AP3B2: variants seen among roughly 807,000 people sequenced by gnomAD.
The protein encoded by AP3B2 is adaptor related protein complex 3 subunit beta 2.
A neutral mutation model predicts 126.9 loss-of-function variants in AP3B2; 50 were observed. The observed-to-expected ratio is 0.39, with a 90% CI of 0.31 to 0.50. The LOEUF (loss-of-function observed/expected upper bound fraction) is 0.50. Ranked by LOEUF, AP3B2 falls within the 20% of genes least tolerant of loss-of-function variation. The probability of loss-of-function intolerance (pLI) is 0.79; values close to 1 mark genes in which losing one functional copy is unlikely to be tolerated. For missense variants in AP3B2, 1,177 were observed against 1,426.4 expected (o/e 0.83, Z 2.82); for synonymous variants, 541 against 565.0 (o/e 0.96, Z 0.60).
intron 1 of AP3B2, among the ~76,000 whole-genome samples, chr15:82,708,355 A>C (rs2048828860): frequency 6.6e-6 from 1 of 151,974 alleles, no homozygotes; most frequent in African/African-American, 2.4e-5. Flanking sequence ...AAAAAGCTTT[A>C]TTGTTCAAAG....
chr15:82,688,364 C>G, intron 4 of AP3B2: 1 of 697,216 alleles, frequency 1.4e-6, no homozygotes, highest in Non-Finnish European at 2.6e-6. Flanking sequence ...AGGTTGAAAT[C>G]TACCTGGCTG....
chr15:82,683,048 T>G (rs1006502245), intron 4 of AP3B2, among the ~76,000 whole-genome samples: 4 of 36,692 alleles, frequency 1.1e-4, no homozygotes, highest in Admixed American at 3.5e-4. Flanking sequence ...GCACCAGGAG[T>G]TTTTTTTTTT....
chr15:82,666,619 A>G, intron 15 of AP3B2, 128 bp downstream of exon 15: 2 of 1,016,140 alleles, frequency 2.0e-6, no homozygotes, highest in Non-Finnish European at 2.8e-6. Context: ...AAAAGGAGTG[A>G]GCCAGGGAGC....
At chr15:82,673,936 C>T (rs2048200033) in intron 14 of AP3B2, among the ~76,000 whole-genome samples, 1 of 152,218 alleles carries the variant, frequency 6.6e-6, no homozygotes, top group African/African-American at 2.4e-5. Flanking sequence ...TAAAAGCAAA[C>T]TAACCTGCTA....
intron 1 of AP3B2, chr15:82,692,325 C>T: frequency 1.7e-6 from 1 of 584,618 alleles, no homozygotes. Flanking sequence ...GGAAGGCTCA[C>T]CACGCAGATG....
In AP3B2 at chr15:82,709,802, G is replaced by A; in HGVS notation, c.-96C>T. The stretch of plus-strand genomic sequence containing the variant: ...AGGCGGGCCGGTCCGGTCCGGGCTG[G>A]CGAAGGCGGCGGCGCGGCAGGGGTT... On this transcript the variant is annotated 5_prime_UTR_variant, in exon 1 of 27. Transcript: ENST00000535359. 1.0e-6 allele frequency: 1 copy of A among 985,730 alleles called. No homozygotes were observed. The highest frequency in any genetic ancestry group is 1.4e-6 in the Non-Finnish European group (1 of 724,408). 61.1% of individuals were successfully genotyped at this position (985,730 alleles called of 1,614,324 possible).
At position 82,666,870 on chromosome 15, in the gene AP3B2, C is replaced by T. The variant is rs754527481; in HGVS notation, c.1729G>A (p.Asp577Asn). 6.2e-6 allele frequency: 10 copies of T among 1,613,782 alleles called. No homozygotes were observed. The highest frequency in any genetic ancestry group is 2.2e-5 in the East Asian group (1 of 44,888). Residue 577 changes from aspartate to asparagine, a missense_variant, in exon 15 of 27, where the codon GAC becomes AAC. Around this residue, in one of 5 missense-constraint regions of AP3B2, gnomAD observed 308 missense variants for 452.4 expected, o/e 0.68. Coordinates refer to ENST00000535359, the MANE Select transcript of AP3B2 (RefSeq NM_001278512.2). ...AGCTGCCGGGTGAAGCGCGCCCGGTCGCGAATATCATAGTTCTGGTCATAT... is the reference window on the plus strand; with the variant it reads ...AGCTGCCGGGTGAAGCGCGCCCGGTTGCGAATATCATAGTTCTGGTCATAT... ...AKYDQNYDIRDRARFTRQLIV... is the reference protein window; with the variant it reads ...AKYDQNYDIRNRARFTRQLIV...
chr15:82,664,437 C>T lies in AP3B2; in HGVS notation c.2191G>A (p.Gly731Arg). 1 of 1,613,962 alleles carries T rather than the reference C, an allele frequency of 6.2e-7. No individual in the cohort carries two copies. The highest frequency in any genetic ancestry group is 2.2e-5 in the East Asian group (1 of 44,890). The part of the protein sequence containing the change: ...DSKSSSESGS[G>R]ESSSESDNED... ...TTGTCGGACTCACTGCTGGACTCCC[C>T]AGAGCCGCTCTCACTGCTGCTCTTA... The change falls in exon 19 of 27, where the codon GGG becomes AGG. Residue 731 changes from glycine to arginine, a missense_variant. Transcript: ENST00000535359. The surrounding 1 kb of genome is among the most constrained non-coding windows in gnomAD (Gnocchi z 4.5).
intron 14 of AP3B2, among the ~76,000 whole-genome samples, chr15:82,672,930 CAATCCTACAACTGCAAGGA>C (rs1257939198): frequency 6.6e-6 from 1 of 152,164 alleles, no homozygotes; most frequent in African/African-American, 2.4e-5. Flanking sequence ...GCCAGGGCCA[CAATCCTACAACTGCAAGGA>C]AGTGGATCGT....
intron 22 of AP3B2, 62 bp downstream of exon 22, chr15:82,663,065 A>G: frequency 6.6e-7 from 1 of 1,506,002 alleles, no homozygotes; most frequent in Non-Finnish European, 9.1e-7. Context: ...CATCCACACC[A>G]TAGGATGCAG....
chr15:82,678,411 T>C (rs1349306329), intron 10 of AP3B2, among the ~76,000 whole-genome samples: 1 of 152,200 alleles, frequency 6.6e-6, no homozygotes, highest in Non-Finnish European at 1.5e-5. Context: ...CCCTACTGCA[T>C]TGAAAACTTA....
chr15:82,689,062 G>C, intron 3 of AP3B2, 96 bp downstream of exon 3: 1 of 1,401,322 alleles, frequency 7.1e-7, no homozygotes, highest in East Asian at 2.3e-5. Context: ...AGCAGGTCGG[G>C]CCCCCAGGGG....
intron 10 of AP3B2, among the ~76,000 whole-genome samples, chr15:82,679,102 C>A (rs2048288184): frequency 6.6e-6 from 1 of 152,098 alleles, no homozygotes; most frequent in African/African-American, 2.4e-5. Flanking sequence ...TGACCTGGGG[C>A]AGTTACCTCC....
At chr15:82,673,784 T>C (rs1283513154) in intron 14 of AP3B2, among the ~76,000 whole-genome samples, 1 of 152,176 alleles carries the variant, frequency 6.6e-6, no homozygotes, top group Non-Finnish European at 1.5e-5. Context: ...CTTTAGCATA[T>C]TAAAAAAAGT....
chr15:82,705,806 T>C (rs1446800768), intron 1 of AP3B2, among the ~76,000 whole-genome samples: 1 of 152,216 alleles, frequency 6.6e-6, no homozygotes, highest in East Asian at 1.9e-4. Context: ...GGTTAGGTAC[T>C]TCCACCTTTG....
chr15:82,704,037 C>G lies in AP3B2; in HGVS notation c.113+5557G>C, dbSNP rs567627233. Among the ~76,000 whole-genome samples the G allele has an allele frequency of 3.9e-5, 6 of 152,326 alleles. No individual in the cohort carries two copies. The South Asian group carries it at 1.2e-3, about 32-fold the overall frequency. On this transcript the variant is annotated intron_variant, in intron 1 of 26. Transcript: ENST00000535359. ...GACTAGCCCTCCCCAACCTGCCCAA[C>G]AATTTCCTCTTAAAGAGGTGGCTGG...
intron 14 of AP3B2, among the ~76,000 whole-genome samples, chr15:82,672,743 T>C (rs2048178162): frequency 6.6e-6 from 1 of 152,168 alleles, no homozygotes; most frequent in African/African-American, 2.4e-5. Context: ...ACCTACTATG[T>C]ACCCATAAAA....
chr15:82,681,599 G>A lies in AP3B2; in HGVS notation c.361-19C>T, dbSNP rs535513039. 2 of 1,609,362 alleles carry A rather than the reference G, an allele frequency of 1.2e-6. No individual in the cohort carries two copies. The highest frequency in any genetic ancestry group is 2.2e-5 in the East Asian group (1 of 44,850). On this transcript the variant is annotated intron_variant, in intron 4 of 26. Coordinates refer to ENST00000535359, the MANE Select transcript of AP3B2 (RefSeq NM_001278512.2). The surrounding 1 kb of genome is among the most constrained non-coding windows in gnomAD (Gnocchi z 4.0). The stretch of plus-strand genomic sequence containing the variant: ...TGGGATCCTAAAGGCAGAGGTGGAG[G>A]CAGAGCTATGAAAGGGCACCAGGTG...
rs776272817 is a variant in AP3B2, at chr15:82,664,230, G to A, written c.2261+137C>T. 16 of 1,403,726 alleles carry A rather than the reference G, an allele frequency of 1.1e-5. No individual in the cohort carries two copies. The highest frequency in any genetic ancestry group is 4.0e-5 in the South Asian group (3 of 75,538). The allele number at this position is 1,403,726 out of a possible 1,614,324, so 87.0% of individuals were successfully genotyped here. ...TCTCCTGCAGCCAGCGAAAGTAGGC[G>A]TCATGTGAGCTGACAGCCCCACCCA... On this transcript the variant is annotated intron_variant, in intron 19 of 26. Transcript: ENST00000535359. The surrounding 1 kb of genome is among the most constrained non-coding windows in gnomAD (Gnocchi z 4.5).
Sources: gnomAD v4.1 joint callset for allele counts (sites outside exome capture counted in the v4.1 genomes callset) on GRCh38, gnomAD v4.1.1 for gene constraint, gnomAD v4.1.1 regional missense constraint, Gnocchi (gnomAD v3.1) non-coding constraint, MANE v1.5 for transcripts, NCBI Gene and HGNC (gene_info 2026-07-23, HGNC 2026-07-21) for gene names.